The following SGIP1 variants were observed in gnomAD, a reference collection of about 807,000 sequenced individuals.
SGIP1 encodes the protein SH3GL interacting endocytic adaptor 1, also known as SH3-containing GRB2-like protein 3-interacting protein 1.
Under a neutral mutation model 107.5 loss-of-function variants are expected in SGIP1, and 38 were observed. The ratio of observed to expected loss-of-function variants is 0.35; its 90% CI spans 0.27 to 0.46. The LOEUF is 0.46. Among genes scored for constraint, SGIP1 ranks in the 20% least tolerant of loss-of-function variants. The probability of loss-of-function intolerance (pLI) is 1.00; values close to 1 mark genes in which losing one functional copy is unlikely to be tolerated. For synonymous variants in SGIP1, 365 were observed against 366.1 expected, an observed-to-expected ratio of 1.00 and a Z score of 0.03; for missense variants, 929 against 1,019.5, an observed-to-expected ratio of 0.91 and a Z score of 1.21.
intron 1 of SGIP1, among the ~76,000 whole-genome samples, chr1:66,582,518 G>T (rs1203138735): frequency 6.6e-6 from 1 of 151,882 alleles, no homozygotes; most frequent in Non-Finnish European, 1.5e-5. Flanking sequence ...CACTTCAGTG[G>T]CTGAAGATGA....
In SGIP1 at chr1:66,736,254, T is replaced by TTTTAAATATAAATATTTATACAAATAG. The variant is rs1553186698; in HGVS notation, c.2031+2381_2031+2407dup. ...TTAAATATAAATATTTATACAAATA[T>TTTTAAATATAAATATTTATACAAATAG]TTTAAATATAAATATTTATACAAAT... On this transcript the variant is annotated intron_variant, in intron 21 of 24. Coordinates refer to ENST00000371037, the MANE Select transcript of SGIP1 (RefSeq NM_032291.4). 2.7e-3 allele frequency among the ~76,000 whole-genome samples: 100 copies of TTTTAAATATAAATATTTATACAAATAG among 37,380 alleles called. 43 individuals carry two copies. The highest frequency in any genetic ancestry group is 9.0e-3 in the African/African-American group (66 of 7,368). The allele number at this position is 37,380 out of a possible 152,430, so 24.5% of individuals were successfully genotyped here.
chr1:66,641,635 T>C (rs1405357063), intron 5 of SGIP1, among the ~76,000 whole-genome samples: 1 of 152,202 alleles, frequency 6.6e-6, no homozygotes, highest in African/African-American at 2.4e-5. Context: ...GGGATAATTC[T>C]TTTCACATAT....
intron 7 of SGIP1, among the ~76,000 whole-genome samples, chr1:66,646,150 T>C (rs753324564): frequency 1.6e-4 from 25 of 152,150 alleles, no homozygotes; most frequent in Non-Finnish European, 2.8e-4. Context: ...CATGTACATA[T>C]ATTTTATAAA....
chr1:66,690,168 ATC>A lies in SGIP1; in HGVS notation c.1444-18_1444-17del, dbSNP rs2089503162. 6.2e-7 allele frequency: 1 copy of A among 1,600,360 alleles called. No homozygotes were observed. The highest frequency in any genetic ancestry group is 8.5e-7 in the Non-Finnish European group (1 of 1,173,132). On this transcript the variant is annotated intron_variant, in intron 16 of 24. Transcript: ENST00000371037. The stretch of plus-strand genomic sequence containing the variant: ...CTGCAACCTGTGTATCTAACTTTTC[ATC>A]TCTTTTCTTCTCCTTACAGTCCAGA...
chr1:66,676,335 T>C (rs988065203), intron 12 of SGIP1, among the ~76,000 whole-genome samples: 1 of 152,124 alleles, frequency 6.6e-6, no homozygotes, highest in Admixed American at 6.5e-5. Context: ...CACTAACTAT[T>C]TGCATTATCA....
At chr1:66,683,510 C>G (rs1480973771) in intron 15 of SGIP1, among the ~76,000 whole-genome samples, 2 of 151,906 alleles carry the variant, frequency 1.3e-5, no homozygotes, top group African/African-American at 4.8e-5. Context: ...GGAGTTCACC[C>G]GTACTGCACA....
At chr1:66,659,062 G>C (rs562909183) in intron 7 of SGIP1, among the ~76,000 whole-genome samples, 4 of 152,288 alleles carry the variant, frequency 2.6e-5, no homozygotes, top group African/African-American at 9.6e-5. Context: ...GATGGGAAGG[G>C]AAGTTGGAGC....
intron 24 of SGIP1, among the ~76,000 whole-genome samples, chr1:66,742,717 C>T (rs2094497160): frequency 6.7e-6 from 1 of 149,262 alleles, no homozygotes; most frequent in African/African-American, 2.6e-5. Flanking sequence ...GATCCGCCCG[C>T]CTCGGCCTCC....
chr1:66,664,280 G>C (rs2082095184), intron 8 of SGIP1, among the ~76,000 whole-genome samples: 1 of 152,042 alleles, frequency 6.6e-6, no homozygotes, highest in South Asian at 2.1e-4. Flanking sequence ...GTGCATCCAG[G>C]CAGGTTTATA....
chr1:66,537,677 A>T (rs1470168380), intron 1 of SGIP1, among the ~76,000 whole-genome samples: 1 of 152,126 alleles, frequency 6.6e-6, no homozygotes, highest in African/African-American at 2.4e-5. Flanking sequence ...ACAAGCAAAT[A>T]TTTTTAAGGG....
chr1:66,646,064 T>C (rs1041486466), intron 7 of SGIP1, among the ~76,000 whole-genome samples: 1 of 152,266 alleles, frequency 6.6e-6, no homozygotes, highest in South Asian at 2.1e-4. Context: ...TGGTCTCGAA[T>C]TGCTGACCTC....
intron 1 of SGIP1, among the ~76,000 whole-genome samples, chr1:66,559,845 T>C (rs1405806749): frequency 6.6e-6 from 1 of 152,018 alleles, no homozygotes; most frequent in African/African-American, 2.4e-5. Flanking sequence ...CTTAGCTTAA[T>C]GAAGATAATC....
At position 66,746,008 on chromosome 1, in the gene SGIP1, AG is replaced by A. The variant is rs1278858166; in HGVS notation, c.*2914del. The A allele has an allele frequency of 1.3e-5, 2 of 152,170 alleles. No individual in the cohort carries two copies. Among genetic ancestry groups the A allele is most frequent in the African/African-American group, 4.8e-5 (2 of 41,464 alleles). 9.4% of individuals were successfully genotyped at this position (152,170 alleles called of 1,614,324 possible). On this transcript the variant is annotated 3_prime_UTR_variant, in exon 25 of 25. Coordinates refer to ENST00000371037, the MANE Select transcript of SGIP1 (RefSeq NM_032291.4). ...TTTGGGAATATATTTCACCTGTAAA[AG>A]AAAGAATGTCCACAATTCAAACGGT...
intron 1 of SGIP1, among the ~76,000 whole-genome samples, chr1:66,622,600 C>T (rs146199917): frequency 6.6e-6 from 1 of 151,994 alleles, no homozygotes; most frequent in African/African-American, 2.4e-5. Context: ...TCCCACAACA[C>T]CAAAAGAAGC....
At chr1:66,610,886 G>C (rs1170246388) in intron 1 of SGIP1, among the ~76,000 whole-genome samples, 1 of 152,012 alleles carries the variant, frequency 6.6e-6, no homozygotes, top group Non-Finnish European at 1.5e-5. Context: ...CTCAGGAATG[G>C]AAAATCAAAC....
Position 66,705,734 on chromosome 1 carries a change from C to T in SGIP1, c.1630+10241C>T, listed in dbSNP as rs114043082. Among the ~76,000 whole-genome samples the T allele has an allele frequency of 4.7e-3, 719 of 152,184 alleles. 3 individuals are homozygous for T. The highest frequency in any genetic ancestry group is 8.0e-3 in the Non-Finnish European group (541 of 67,998). On this transcript the variant is annotated intron_variant, in intron 18 of 24. Transcript: ENST00000371037. ...CAATTTGTAACTGCAAGGAACCATTCAAGAAATAAACACTTCAAGAAAAGA... is the reference window on the plus strand; with the variant it reads ...CAATTTGTAACTGCAAGGAACCATTTAAGAAATAAACACTTCAAGAAAAGA...
At chr1:66,665,182 C>T (rs2082281610) in intron 8 of SGIP1, among the ~76,000 whole-genome samples, 1 of 152,166 alleles carries the variant, frequency 6.6e-6, no homozygotes, top group African/African-American at 2.4e-5. Flanking sequence ...TCCAAGCATT[C>T]TCATAGTTCA....
chr1:66,595,071 G>T (rs779041147), intron 1 of SGIP1, among the ~76,000 whole-genome samples: 1 of 152,146 alleles, frequency 6.6e-6, no homozygotes, highest in Non-Finnish European at 1.5e-5. Flanking sequence ...TTTTCCAGGG[G>T]CACGCTGTTT....
intron 7 of SGIP1, among the ~76,000 whole-genome samples, chr1:66,650,375 A>G (rs2078504793): frequency 6.6e-6 from 1 of 152,146 alleles, no homozygotes; most frequent in South Asian, 2.1e-4. Flanking sequence ...CCTTCAAATC[A>G]TTTCACAAAA....
Sources: gnomAD v4.1 joint callset for allele counts (sites outside exome capture counted in the v4.1 genomes callset) on GRCh38, gnomAD v4.1.1 for gene constraint, MANE v1.5 for transcripts, NCBI Gene and HGNC (gene_info 2026-07-23, HGNC 2026-07-21) for gene names.